Variants in PHACTR2 observed in about 807,000 individuals in gnomAD.
The protein encoded by PHACTR2 is chromosome 6 open reading frame 56.
A neutral mutation model predicts 76.0 loss-of-function variants in PHACTR2; 30 were observed. The ratio of observed to expected loss-of-function variants is 0.39; its 90% CI spans 0.30 to 0.54. PHACTR2 has a LOEUF of 0.54. Ranked by LOEUF, PHACTR2 falls within the 20% of genes least tolerant of loss-of-function variation. The pLI is 0.61. For missense variants in PHACTR2, 696 were observed against 781.1 expected, an observed-to-expected ratio of 0.89 and a Z score of 1.30; for synonymous variants, 292 against 292.5, an observed-to-expected ratio of 1.00 and a Z score of 0.02.
intron 1 of PHACTR2, among the ~76,000 whole-genome samples, chr6:143,699,615 C>T (rs771198121): frequency 3.9e-5 from 6 of 152,174 alleles, no homozygotes; most frequent in Non-Finnish European, 5.9e-5. Context: ...AATGTTCTGC[C>T]AGCACCTGAA....
upstream of PHACTR2, chr6:143,677,926 C>G: frequency 1.0e-6 from 1 of 997,918 alleles, no homozygotes; most frequent in Non-Finnish European, 1.3e-6. Context: ...TCCCCCGTGA[C>G]CCCTGACCCC....
At chr6:143,630,521 C>T (rs1286926779) in intron 1 of PHACTR2, among the ~76,000 whole-genome samples, 2 of 152,110 alleles carry the variant, frequency 1.3e-5, no homozygotes, top group African/African-American at 4.8e-5. Context: ...CAGTAAACAA[C>T]TATCATTAAT....
rs1251098124 is a variant in PHACTR2 at position 143,738,894 on chromosome 6, T to C, written c.215-10091T>C. On this transcript the variant is annotated intron_variant, in intron 2 of 12. Transcript: ENST00000440869. This position sits in a 1 kb window ranked among gnomAD's most constrained non-coding sequence, Gnocchi z 4.0. ...TGATGAAATGAGATATTATCCCATCTTGATCAAAGGTGTTGAGTCCCTGAA... is the reference window on the plus strand; with the variant it reads ...TGATGAAATGAGATATTATCCCATCCTGATCAAAGGTGTTGAGTCCCTGAA... Among the ~76,000 whole-genome samples the C allele has an allele frequency of 6.6e-6, 1 of 152,220 alleles. No homozygotes were observed. Among genetic ancestry groups the C allele is most frequent in the Non-Finnish European group, 1.5e-5 (1 of 68,044 alleles).
chr6:143,705,339 G>C (rs1778026757), intron 1 of PHACTR2, among the ~76,000 whole-genome samples: 2 of 144,456 alleles, frequency 1.4e-5, no homozygotes, highest in Non-Finnish European at 1.5e-5. Flanking sequence ...CTGTAGCCCA[G>C]GCTGGAGTGC....
At position 143,743,115 on chromosome 6, in the gene PHACTR2, G is replaced by C. The variant is rs1383698280; in HGVS notation, c.215-5870G>C. ...AAGTTCTAGCCCATCAGGATAGTGA[G>C]ATCTCCATGCAGAGCTACTGTGTGA... On this transcript the variant is annotated intron_variant, in intron 2 of 12. Transcript: ENST00000440869. This position sits in a 1 kb window ranked among gnomAD's most constrained non-coding sequence, Gnocchi z 5.0. Among the ~76,000 whole-genome samples the C allele has an allele frequency of 6.6e-6, 1 of 152,172 alleles. No homozygotes were observed. Among genetic ancestry groups the C allele is most frequent in the African/African-American group, 2.4e-5 (1 of 41,424 alleles).
chr6:143,615,547 A>G (rs546346950), intron 1 of PHACTR2, among the ~76,000 whole-genome samples: 14 of 152,214 alleles, frequency 9.2e-5, no homozygotes, highest in Non-Finnish European at 1.8e-4. Context: ...TTTCATAAAC[A>G]TTCATAAATT....
intron 2 of PHACTR2, among the ~76,000 whole-genome samples, chr6:143,744,692 C>G (rs773077283): frequency 3.9e-5 from 6 of 152,146 alleles, no homozygotes; most frequent in Non-Finnish European, 5.9e-5. Context: ...TGGTTAGGAG[C>G]CAGGCACGTG....
intron 1 of PHACTR2, among the ~76,000 whole-genome samples, chr6:143,690,598 T>A (rs1038227129): frequency 6.6e-6 from 1 of 152,238 alleles, no homozygotes; most frequent in Non-Finnish European, 1.5e-5. Context: ...GCACAAACAC[T>A]GCCATCCCTC....
chr6:143,719,389 C>T (rs1287885570), intron 2 of PHACTR2, among the ~76,000 whole-genome samples: 6 of 140,722 alleles, frequency 4.3e-5, no homozygotes, highest in Non-Finnish European at 7.7e-5. Flanking sequence ...GTCTCACTCT[C>T]GCCCAGGCTG....
At position 143,652,600 on chromosome 6, in the gene PHACTR2, T is replaced by C. The variant is rs1009025247; in HGVS notation, c.13+44278T>C. Among the ~76,000 whole-genome samples the C allele has an allele frequency of 2.0e-5, 3 of 152,236 alleles. No individual in the cohort carries two copies. The highest frequency in any genetic ancestry group is 4.4e-5 in the Non-Finnish European group (3 of 68,042). ...CCACTATGCTAGGTCAGTTTTCAGA[T>C]CTTATTAAAAAGCTCAGGGTTTCGG... On this transcript the variant is annotated intron_variant, in intron 1 of 11. Coordinates refer to the PHACTR2 transcript ENST00000305766. This position sits in a 1 kb window ranked among gnomAD's most constrained non-coding sequence, Gnocchi z 4.5.
At chr6:143,792,629 A>G (rs1304336297) in intron 11 of PHACTR2, among the ~76,000 whole-genome samples, 4 of 152,172 alleles carry the variant, frequency 2.6e-5, no homozygotes, top group Non-Finnish European at 1.5e-5. Context: ...AAGGTCACTC[A>G]ATGTTATTCA....
At chr6:143,704,095 CTG>C (rs759683885) in intron 1 of PHACTR2, among the ~76,000 whole-genome samples, 178 of 143,966 alleles carry the variant, frequency 1.2e-3, no homozygotes, top group East Asian at 4.7e-3. Flanking sequence ...GTGTGTGTGT[CTG>C]TGTGTGTGTG....
chr6:143,585,639 A>C lies in PHACTR2; in HGVS notation c.217+48432A>C, dbSNP rs1397614828. Among the ~76,000 whole-genome samples, 1 of 152,158 alleles carries C rather than the reference A, an allele frequency of 6.6e-6. No individual in the cohort carries two copies. Among genetic ancestry groups the C allele is most frequent in the African/African-American group, 2.4e-5 (1 of 41,430 alleles). On this transcript the variant is annotated intron_variant, in intron 1 of 11. Coordinates refer to the PHACTR2 transcript ENST00000367584. This position sits in a 1 kb window ranked among gnomAD's most constrained non-coding sequence, Gnocchi z 5.2. ...AAAAGACTAATTGGGACCAGAAAGCAAGCTCCATGAAGGCAGAGACCCTCC... is the reference window on the plus strand; with the variant it reads ...AAAAGACTAATTGGGACCAGAAAGCCAGCTCCATGAAGGCAGAGACCCTCC...
intron 11 of PHACTR2, among the ~76,000 whole-genome samples, chr6:143,802,479 A>ATT (rs201154160): frequency 6.9e-6 from 1 of 145,124 alleles, no homozygotes; most frequent in Non-Finnish European, 1.5e-5. Flanking sequence ...ATCTCCACAA[A>ATT]TTTTTTTTTT....
intron 1 of PHACTR2, among the ~76,000 whole-genome samples, chr6:143,693,896 C>T (rs1050300131): frequency 6.6e-6 from 1 of 152,064 alleles, no homozygotes; most frequent in Admixed American, 6.5e-5. Flanking sequence ...TGGCGAAACC[C>T]GTCTATACAA....
In PHACTR2 at chr6:143,663,374, C is replaced by T. The variant is rs1776976005; in HGVS notation, c.14-48642C>T. 6.6e-6 allele frequency among the ~76,000 whole-genome samples: 1 copy of T among 152,278 alleles called. No individual in the cohort carries two copies. Among genetic ancestry groups the T allele is most frequent in the African/African-American group, 2.4e-5 (1 of 41,546 alleles). On this transcript the variant is annotated intron_variant, in intron 1 of 11. Coordinates refer to the PHACTR2 transcript ENST00000305766. This position sits in a 1 kb window ranked among gnomAD's most constrained non-coding sequence, Gnocchi z 4.1. ...GAATGAAGTACTGAATATCCCAAAG[C>T]ATTGAATCACTTCTCTTGATTTTAA... is the stretch of plus-strand genomic sequence containing the variant.
At chr6:143,572,741 C>A (rs999946928) in intron 1 of PHACTR2, among the ~76,000 whole-genome samples, 1 of 152,088 alleles carries the variant, frequency 6.6e-6, no homozygotes, top group African/African-American at 2.4e-5. Flanking sequence ...TTGGTAGAGA[C>A]ACGGTTTCAC....
Position 143,626,392 on chromosome 6 carries a change from C to T in PHACTR2, c.13+18070C>T, listed in dbSNP as rs113912628. Among the ~76,000 whole-genome samples the T allele has an allele frequency of 7.1e-3, 1,084 of 152,118 alleles. 3 individuals carry two copies. The highest frequency in any genetic ancestry group is 0.011 in the Non-Finnish European group (756 of 67,992). ...CTCTACTGAAAATAAAAAAAATTAG[C>T]CGGGCGCGGTGGTGGGCGCCTTTAG... On this transcript the variant is annotated intron_variant, in intron 1 of 11. Transcript: ENST00000305766.
At position 143,723,950 on chromosome 6, in the gene PHACTR2, T is replaced by C. The variant is rs183825748; in HGVS notation, c.214+11767T>C. Among the ~76,000 whole-genome samples, 5 of 152,220 alleles carry C rather than the reference T, an allele frequency of 3.3e-5. No individual in the cohort carries two copies. In the East Asian group the frequency reaches 9.6e-4, roughly 29 times the overall value. On this transcript the variant is annotated intron_variant, in intron 2 of 12. Transcript: ENST00000440869. The stretch of plus-strand genomic sequence containing the variant: ...TTCTTAACTGTATAATTCTTCCGTT[T>C]TTTTCTTTTTTCTTTTTTTCTTTTT...
Sources: gnomAD v4.1 joint callset for allele counts (sites outside exome capture counted in the v4.1 genomes callset) on GRCh38, gnomAD v4.1.1 for gene constraint, Gnocchi (gnomAD v3.1) non-coding constraint, MANE v1.5 for transcripts, NCBI Gene and HGNC (gene_info 2026-07-23, HGNC 2026-07-21) for gene names.